Variants in ECPAS observed in about 807,000 individuals in gnomAD.
ECPAS encodes the protein Ecm29 proteasome adaptor and scaffold, also known as proteasome adapter and scaffold protein ECM29.
In ECPAS, 70 loss-of-function variants were observed where a neutral mutation model predicts 255.1. That is an observed-to-expected ratio of 0.27 (90% CI 0.23 to 0.33). The LOEUF is 0.33. Among genes scored for constraint, ECPAS ranks in the 10% least tolerant of loss-of-function variants. The pLI is 1.00. For missense variants in ECPAS, 1,817 were observed against 2,206.4 expected (o/e 0.82, Z 3.54); for synonymous variants, 784 against 775.0 (o/e 1.01, Z -0.19).
At chr9:111,410,329 A>G (rs529901250) in intron 22 of ECPAS, 116 bp from the exon 23 acceptor site, 9 of 790,930 alleles carry the variant, frequency 1.1e-5, no homozygotes, top group African/African-American at 3.5e-5. Flanking sequence ...AAAGTGTACG[A>G]TATCTTCTAG....
At chr9:111,401,553 C>A (rs567420688) in intron 24 of ECPAS, among the ~76,000 whole-genome samples, 1 of 152,174 alleles carries the variant, frequency 6.6e-6, no homozygotes, top group Non-Finnish European at 1.5e-5. Context: ...GGTTTGAGAG[C>A]AGACAATTAG....
chr9:111,443,295 G>C (rs1044500094), intron 4 of ECPAS, among the ~76,000 whole-genome samples: 1 of 152,126 alleles, frequency 6.6e-6, no homozygotes. Flanking sequence ...CTGTCACCCA[G>C]GCTGGAGTGC....
At chr9:111,382,208 C>T (rs1246878736) in intron 35 of ECPAS, among the ~76,000 whole-genome samples, 1 of 150,514 alleles carries the variant, frequency 6.6e-6, no homozygotes, top group Non-Finnish European at 1.5e-5. Flanking sequence ...GATTTAGGGG[C>T]ATCTAATGAT....
chr9:111,391,142 C>T (rs557325217), intron 29 of ECPAS, among the ~76,000 whole-genome samples: 2 of 152,318 alleles, frequency 1.3e-5, no homozygotes, highest in South Asian at 2.1e-4. Flanking sequence ...TCCACTGAAA[C>T]GATGGTAGCA....
chr9:111,484,217 G>T lies in ECPAS; in HGVS notation c.-184C>A. On this transcript the variant is annotated 5_prime_UTR_variant, in exon 1 of 50. Transcript: ENST00000684092. ...GGCGGGCCGGGCCCCGGGGAGCCGCGCGCCGCAGTCCGTGAGGGGCTGGGC... is the reference window on the plus strand; with the variant it reads ...GGCGGGCCGGGCCCCGGGGAGCCGCTCGCCGCAGTCCGTGAGGGGCTGGGC... 6.8e-7 allele frequency: 1 copy of T among 1,469,964 alleles called. No individual in the cohort carries two copies. The highest frequency in any genetic ancestry group is 9.0e-7 in the Non-Finnish European group (1 of 1,114,446). The allele number at this position is 1,469,964 out of a possible 1,614,324, so 91.1% of individuals were successfully genotyped here. A position where few individuals can be genotyped will look rare whatever the true frequency, so the allele number is the denominator to read the frequency against.
intron 24 of ECPAS, among the ~76,000 whole-genome samples, chr9:111,404,496 G>C (rs1050549989): frequency 2.0e-5 from 3 of 148,946 alleles, no homozygotes; most frequent in East Asian, 4.1e-4. Context: ...AGGCCTGGTG[G>C]GGGGGTGACT....
intron 13 of ECPAS, 93 bp from the exon 14 acceptor site, chr9:111,422,293 CT>C (rs2098215237): frequency 7.5e-7 from 1 of 1,326,138 alleles, no homozygotes; most frequent in Middle Eastern, 2.2e-4. Flanking sequence ...TTCCTGAACT[CT>C]CTGAAGACAA....
chr9:111,480,080 T>C (rs1415000807), intron 1 of ECPAS, among the ~76,000 whole-genome samples: 1 of 152,036 alleles, frequency 6.6e-6, no homozygotes. Flanking sequence ...GTTATTTGAC[T>C]ATCAATGATA....
intron 42 of ECPAS, 142 bp from the exon 43 acceptor site, chr9:111,371,971 A>T (rs2098127863): frequency 1.5e-6 from 1 of 671,900 alleles, no homozygotes; most frequent in East Asian, 2.7e-5. Flanking sequence ...AAAGGGAGAG[A>T]AAGTGTGTTG....
At position 111,392,765 on chromosome 9, in the gene ECPAS, T is replaced by C. The variant is rs1323610312; in HGVS notation, c.3092+3A>G. 1 of 1,600,596 alleles carries C rather than the reference T, an allele frequency of 6.2e-7. No individual in the cohort carries two copies. On this transcript the variant is annotated splice_donor_region_variant and intron_variant, in intron 28 of 49. Transcript: ENST00000684092. ...GAATCTAAAATTTTCAAGTTCACCA[T>C]ACCTTTTGCCAGTCATAAGTGTTTC...
Position 111,451,452 on chromosome 9 carries a change from A to T in ECPAS, c.126T>A (p.Ser42=). 1 of 1,574,602 alleles carries T rather than the reference A, an allele frequency of 6.4e-7. No individual in the cohort carries two copies. ...KFLPPVLLKL[S]STQEGVRKKV... ...TTTTACGTACTCCTTCTTGGGTGCT[A>T]GAGAGTTTGAGCAAAACAGGAGGAA... is the stretch of plus-strand genomic sequence containing the variant. Residue 42 remains serine, a synonymous_variant, in exon 3 of 50, where the codon TCT becomes TCA. Coordinates refer to ENST00000684092, the MANE Select transcript of ECPAS (RefSeq NM_001364929.1).
At chr9:111,365,207 T>G (rs998833830) in intron 48 of ECPAS, among the ~76,000 whole-genome samples, 1 of 151,078 alleles carries the variant, frequency 6.6e-6, no homozygotes, top group East Asian at 2.0e-4. Flanking sequence ...GAAGGCAGAG[T>G]TGCAGTGAGC....
intron 1 of ECPAS, among the ~76,000 whole-genome samples, chr9:111,477,026 T>G (rs906390715): frequency 3.9e-5 from 6 of 152,082 alleles, no homozygotes; most frequent in African/African-American, 1.4e-4. Flanking sequence ...GGTCTCGAAC[T>G]CCCAACGTCA....
chr9:111,428,183 A>C, intron 9 of ECPAS, 22 bp from the exon 10 acceptor site: 1 of 1,594,468 alleles, frequency 6.3e-7, no homozygotes, highest in Non-Finnish European at 8.5e-7. Flanking sequence ...ATGCTTGATT[A>C]TAACTCAGCA....
intron 1 of ECPAS, among the ~76,000 whole-genome samples, chr9:111,473,745 T>C (rs1213636120): frequency 1.3e-5 from 2 of 152,176 alleles, no homozygotes; most frequent in East Asian, 1.9e-4. Flanking sequence ...GGAGGGCAGA[T>C]TGCTTGAGTA....
chr9:111,442,502 T>TA (rs775687364), intron 4 of ECPAS, 78 bp from the exon 5 acceptor site: 4 of 898,220 alleles, frequency 4.5e-6, no homozygotes, highest in East Asian at 2.7e-5. Flanking sequence ...ATTGATAACT[T>TA]AGAGAGTTAT....
chr9:111,405,080 C>A (rs2098182014), intron 24 of ECPAS, among the ~76,000 whole-genome samples: 1 of 149,568 alleles, frequency 6.7e-6, no homozygotes, highest in African/African-American at 2.5e-5. Flanking sequence ...TGCTATGAAA[C>A]CACCAAAGAC....
chr9:111,417,271 G>A (rs2098205283), intron 17 of ECPAS, among the ~76,000 whole-genome samples: 1 of 151,794 alleles, frequency 6.6e-6, no homozygotes. Context: ...AAAAAAAGGA[G>A]ATGTATTTTT....
At chr9:111,442,469 T>C in intron 4 of ECPAS, 45 bp from the exon 5 acceptor site, 1 of 1,098,332 alleles carries the variant, frequency 9.1e-7, no homozygotes, top group Non-Finnish European at 1.4e-6. Context: ...GGAAATACTC[T>C]ATGATTTCAA....
Sources: gnomAD v4.1 joint callset for allele counts (sites outside exome capture counted in the v4.1 genomes callset) on GRCh38, gnomAD v4.1.1 for gene constraint, MANE v1.5 for transcripts, NCBI Gene and HGNC (gene_info 2026-07-23, HGNC 2026-07-21) for gene names.